The following ASTN2 variants were observed in gnomAD, a reference collection of about 807,000 sequenced individuals.
ASTN2 encodes the protein astrotactin-2.
Under a neutral mutation model 139.8 loss-of-function variants are expected in ASTN2, and 54 were observed. The ratio of observed to expected loss-of-function variants is 0.39; its 90% CI spans 0.31 to 0.48. ASTN2 has a LOEUF of 0.48. ASTN2 is among the 20% of genes least tolerant of loss of function. The pLI, the probability that ASTN2 is intolerant of heterozygous loss-of-function variation, is 0.95. For missense variants in ASTN2, 1,565 were observed against 1,725.1 expected, an observed-to-expected ratio of 0.91 and a Z score of 1.64; for synonymous variants, 756 against 719.5, an observed-to-expected ratio of 1.05 and a Z score of -0.81.
At chr9:117,152,663 C>A (rs969237413) in intron 3 of ASTN2, among the ~76,000 whole-genome samples, 4 of 152,082 alleles carry the variant, frequency 2.6e-5, no homozygotes, top group Admixed American at 6.6e-5. Context: ...TAAACTGTTA[C>A]ATGCCAGAAA....
intron 2 of ASTN2, among the ~76,000 whole-genome samples, chr9:117,261,985 T>C (rs1833832642): frequency 1.3e-5 from 2 of 152,230 alleles, no homozygotes; most frequent in South Asian, 4.1e-4. Flanking sequence ...AAGATAATAC[T>C]CTTTATTTTA....
chr9:116,499,541 G>A (rs1329509000), intron 19 of ASTN2, among the ~76,000 whole-genome samples: 1 of 152,092 alleles, frequency 6.6e-6, no homozygotes, highest in African/African-American at 2.4e-5. Context: ...ATAACTCATT[G>A]TCCTGTAATT....
intron 20 of ASTN2, among the ~76,000 whole-genome samples, chr9:116,459,766 G>T (rs772338014): frequency 2.0e-4 from 30 of 152,018 alleles, no homozygotes; most frequent in Non-Finnish European, 3.8e-4. Context: ...TGTTAGCAAG[G>T]ATATGGAGAA....
At chr9:116,779,252 A>C (rs1433806827) in intron 13 of ASTN2, among the ~76,000 whole-genome samples, 1 of 152,092 alleles carries the variant, frequency 6.6e-6, no homozygotes, top group Non-Finnish European at 1.5e-5. Context: ...CTCATTAATA[A>C]ATTCAAGCCT....
rs148724828 is a variant in ASTN2, at chr9:116,933,979, C to CTTTTTTTTT, written c.1889+41220_1889+41228dup. ...ACCTCAGTTGTGCGAAGTGTTAGTC[C>CTTTTTTTTT]TTTTTTTTTTTTTTTTTTTTTTTCT... On this transcript the variant is annotated intron_variant, in intron 10 of 22. Transcript: ENST00000313400. Among the ~76,000 whole-genome samples, 200 of 86,830 alleles carry CTTTTTTTTT rather than the reference C, an allele frequency of 2.3e-3. 34 individuals are homozygous for CTTTTTTTTT. The highest frequency in any genetic ancestry group is 7.0e-3 in the South Asian group (20 of 2,852). The allele number at this position is 86,830 out of a possible 152,430, so 57.0% of individuals were successfully genotyped here. A position where few individuals can be genotyped will look rare whatever the true frequency, so the allele number is the denominator to read the frequency against.
rs181868032 is a variant in ASTN2 at position 116,537,898 on chromosome 9, G to T, written c.3356-50398C>A. 2.0e-5 allele frequency among the ~76,000 whole-genome samples: 3 copies of T among 152,328 alleles called. No individual in the cohort carries two copies. The East Asian group carries it at 5.8e-4, about 29-fold the overall frequency. ...ATTTGTAAATACAAGGCACTCTAGT[G>T]TGTTCTTTTACATAGTTATCACAAC... On this transcript the variant is annotated intron_variant, in intron 19 of 22. Coordinates refer to ENST00000313400, the MANE Select transcript of ASTN2 (RefSeq NM_001365068.1).
Position 116,699,028 on chromosome 9 carries a change from T to C in ASTN2, c.2806+26743A>G. On this transcript the variant is annotated intron_variant, in intron 16 of 22. Transcript: ENST00000313400. The surrounding 1 kb of genome is among the most constrained non-coding windows in gnomAD (Gnocchi z 4.2). ...TTCCTTGGGGCAGATCTACCCAACC[T>C]CACTCCTCTCTCAGTGGCAATGAAC... The C allele has an allele frequency of 6.2e-7, 1 of 1,614,112 alleles. No individual in the cohort carries two copies.
intron 5 of ASTN2, among the ~76,000 whole-genome samples, chr9:117,076,670 G>T (rs2132718157): frequency 6.6e-6 from 1 of 152,246 alleles, no homozygotes. Context: ...ACACCAACTT[G>T]TCTAAGGCAG....
intron 7 of ASTN2, among the ~76,000 whole-genome samples, chr9:116,992,753 G>C (rs1223325503): frequency 6.6e-6 from 1 of 152,144 alleles, no homozygotes; most frequent in African/African-American, 2.4e-5. Flanking sequence ...CCTCAACTCT[G>C]ATGTCAAAGC....
chr9:117,337,090 AG>A (rs1227017333), intron 1 of ASTN2, among the ~76,000 whole-genome samples: 1 of 152,176 alleles, frequency 6.6e-6, no homozygotes, highest in Non-Finnish European at 1.5e-5. Context: ...ATTAATGAAG[AG>A]GGGTTTTAAA....
intron 3 of ASTN2, among the ~76,000 whole-genome samples, chr9:117,179,670 C>CCTCCTATGCTTGTTTCT (rs553207206): frequency 1.3e-3 from 202 of 152,256 alleles, no homozygotes; most frequent in African/African-American, 4.6e-3. Flanking sequence ...TGAGGGCTTC[C>CCTCCTATGCTTGTTTCT]CTCCTATGCT....
chr9:116,966,741 G>A (rs972522019), intron 10 of ASTN2, among the ~76,000 whole-genome samples: 2 of 149,212 alleles, frequency 1.3e-5, no homozygotes, highest in Admixed American at 6.7e-5. Flanking sequence ...GAGGTACCAC[G>A]AAAATGCTAA....
intron 10 of ASTN2, among the ~76,000 whole-genome samples, chr9:116,932,268 A>G (rs571067082): frequency 1.1e-3 from 160 of 152,300 alleles, no homozygotes; most frequent in African/African-American, 3.8e-3. Context: ...TTAGAGTGCC[A>G]TCTAACAATG....
At chr9:116,819,400 G>A (rs1201577509) in intron 12 of ASTN2, among the ~76,000 whole-genome samples, 3 of 152,192 alleles carry the variant, frequency 2.0e-5, no homozygotes, top group South Asian at 4.1e-4. Flanking sequence ...TTATTTTGCT[G>A]ATACATATCT....
At chr9:116,532,579 T>C (rs1469034120) in intron 19 of ASTN2, among the ~76,000 whole-genome samples, 1 of 152,250 alleles carries the variant, frequency 6.6e-6, no homozygotes, top group Non-Finnish European at 1.5e-5. Flanking sequence ...TTTCTACATA[T>C]GGCTAGCCAG....
intron 16 of ASTN2, among the ~76,000 whole-genome samples, chr9:116,718,635 C>T (rs1334193056): frequency 1.3e-5 from 2 of 152,046 alleles, no homozygotes; most frequent in Non-Finnish European, 2.9e-5. Context: ...GGACTTAAAC[C>T]AGTAAGTTGA....
At chr9:117,200,814 T>C (rs1450116502) in intron 3 of ASTN2, among the ~76,000 whole-genome samples, 1 of 152,190 alleles carries the variant, frequency 6.6e-6, no homozygotes, top group Non-Finnish European at 1.5e-5. Context: ...GATATTGGCC[T>C]GAAGTTTTCT....
intron 7 of ASTN2, among the ~76,000 whole-genome samples, chr9:117,002,404 G>A (rs1034674226): frequency 6.6e-6 from 1 of 152,210 alleles, no homozygotes; most frequent in African/African-American, 2.4e-5. Context: ...GTCAGAAGGT[G>A]AAACTACATG....
intron 10 of ASTN2, among the ~76,000 whole-genome samples, chr9:116,894,229 T>A (rs1833831726): frequency 6.6e-6 from 1 of 152,192 alleles, no homozygotes; most frequent in Admixed American, 6.5e-5. Flanking sequence ...TGGGCATTAT[T>A]CTTGTTCTTC....
Sources: gnomAD v4.1 joint callset for allele counts (sites outside exome capture counted in the v4.1 genomes callset) on GRCh38, gnomAD v4.1.1 for gene constraint, Gnocchi (gnomAD v3.1) non-coding constraint, MANE v1.5 for transcripts, NCBI Gene and HGNC (gene_info 2026-07-23, HGNC 2026-07-21) for gene names.